The following CREB5 variants were observed in gnomAD, a reference collection of about 807,000 sequenced individuals.
The protein encoded by CREB5 is cAMP responsive element binding protein 5.
CREB5 carries 19 observed loss-of-function variants against 57.1 expected under a neutral mutation model. The ratio of observed to expected loss-of-function variants is 0.33; its 90% CI spans 0.23 to 0.49. The LOEUF (loss-of-function observed/expected upper bound fraction) is 0.49, where lower values mean the gene tolerates loss of function less well. Ranked by LOEUF, CREB5 falls within the 20% of genes least tolerant of loss-of-function variation. The pLI is 0.99. For synonymous variants in CREB5, 238 were observed against 238.3 expected (o/e 1.00, Z 0.01); for missense variants, 579 against 671.6 (o/e 0.86, Z 1.52).
chr7:28,537,718 A>G (rs1412333882), intron 4 of CREB5, among the ~76,000 whole-genome samples: 2 of 152,266 alleles, frequency 1.3e-5, no homozygotes, highest in African/African-American at 4.8e-5. Flanking sequence ...GTAAAAAATA[A>G]GAACAGGAGT....
chr7:28,359,187 CAAA>C (rs869271142), intron 1 of CREB5, among the ~76,000 whole-genome samples: 1 of 137,336 alleles, frequency 7.3e-6, no homozygotes, highest in East Asian at 2.2e-4. Flanking sequence ...AACAAACAAA[CAAA>C]AACCCAAAAA....
chr7:28,419,096 A>G (rs1236904757), intron 1 of CREB5, among the ~76,000 whole-genome samples: 1 of 152,220 alleles, frequency 6.6e-6, no homozygotes, highest in African/African-American at 2.4e-5. Flanking sequence ...GCATGGAGAC[A>G]TCTGTTGCAA....
chr7:28,541,523 T>A (rs1445951378), intron 4 of CREB5, among the ~76,000 whole-genome samples: 2 of 151,984 alleles, frequency 1.3e-5, no homozygotes, highest in Non-Finnish European at 2.9e-5. Context: ...AAAAATTAGC[T>A]GGGCGTGGTG....
intron 1 of CREB5, among the ~76,000 whole-genome samples, chr7:28,361,685 C>T (rs1786487440): frequency 6.6e-6 from 1 of 152,194 alleles, no homozygotes. Context: ...TTTTCAGCCT[C>T]CTGCGGACTC....
chr7:28,535,347 G>A (rs1444225695), intron 4 of CREB5, among the ~76,000 whole-genome samples: 1 of 137,762 alleles, frequency 7.3e-6, no homozygotes, highest in South Asian at 2.3e-4. Context: ...AAGAAGGAGG[G>A]AAGGATGGAA....
At chr7:28,736,914 G>A (rs561599650) in intron 7 of CREB5, among the ~76,000 whole-genome samples, 1 of 150,378 alleles carries the variant, frequency 6.6e-6, no homozygotes, top group South Asian at 2.1e-4. Context: ...CGTGCATGGA[G>A]CACATCATTT....
chr7:28,365,842 A>G (rs1786575782), intron 1 of CREB5, among the ~76,000 whole-genome samples: 1 of 152,134 alleles, frequency 6.6e-6, no homozygotes, highest in Non-Finnish European at 1.5e-5. Context: ...ATTTTTACTC[A>G]TATAGCACCT....
chr7:28,792,342 GAA>G (rs199972159), intron 7 of CREB5, among the ~76,000 whole-genome samples: 2 of 141,454 alleles, frequency 1.4e-5, no homozygotes, highest in East Asian at 4.1e-4. Context: ...ATATCACATG[GAA>G]AAAAAAAAAG....
rs1179364648 is a variant in CREB5, at chr7:28,823,574, G to C, written c.*4295G>C. On this transcript the variant is annotated 3_prime_UTR_variant, in exon 11 of 11. Coordinates refer to ENST00000357727, the MANE Select transcript of CREB5 (RefSeq NM_182898.4). ...TGAGTTATTTTTTAATCAACATTCT[G>C]AACAGTTTTTTTTAAACATTTATTT... 6.6e-6 allele frequency: 1 copy of C among 152,388 alleles called. No homozygotes were observed. Among genetic ancestry groups the C allele is most frequent in the Non-Finnish European group, 1.5e-5 (1 of 68,008 alleles). 9.4% of individuals were successfully genotyped at this position (152,388 alleles called of 1,614,324 possible).
intron 1 of CREB5, among the ~76,000 whole-genome samples, chr7:28,435,886 C>T (rs1225857788): frequency 6.6e-6 from 1 of 152,034 alleles, no homozygotes; most frequent in Non-Finnish European, 1.5e-5. Flanking sequence ...TTACAGAAAC[C>T]AGAAAGGGGT....
intron 1 of CREB5, among the ~76,000 whole-genome samples, chr7:28,361,937 T>C (rs1209056235): frequency 6.6e-6 from 1 of 152,220 alleles, no homozygotes; most frequent in African/African-American, 2.4e-5. Context: ...CTAAGTTCTT[T>C]ATTGAAGTAA....
chr7:28,324,132 C>A (rs1308544373), intron 1 of CREB5, among the ~76,000 whole-genome samples: 2 of 152,196 alleles, frequency 1.3e-5, no homozygotes, highest in Non-Finnish European at 2.9e-5. Context: ...GGTTGAGGAA[C>A]CCTGGTCGAA....
At chr7:28,712,604 G>T (rs982375970) in intron 5 of CREB5, among the ~76,000 whole-genome samples, 20 of 145,256 alleles carry the variant, frequency 1.4e-4, no homozygotes, top group Non-Finnish European at 2.6e-4. Context: ...AGTGATCTCG[G>T]CTCACTGCAG....
chr7:28,391,361 C>G (rs537220957), intron 1 of CREB5, among the ~76,000 whole-genome samples: 1 of 152,210 alleles, frequency 6.6e-6, no homozygotes, highest in Non-Finnish European at 1.5e-5. Flanking sequence ...TTTCCTCCAT[C>G]TTTTCTCACT....
intron 1 of CREB5, among the ~76,000 whole-genome samples, chr7:28,406,968 C>T (rs1054405109): frequency 6.6e-6 from 1 of 151,596 alleles, no homozygotes. Context: ...CAGCATTAGC[C>T]AAAATACCTT....
At chr7:28,691,977 T>A (rs1211208051) in intron 5 of CREB5, among the ~76,000 whole-genome samples, 2 of 134,012 alleles carry the variant, frequency 1.5e-5, no homozygotes, top group Non-Finnish European at 3.1e-5. Flanking sequence ...GAAACTAGCC[T>A]AGGCAACACG....
In CREB5 at chr7:28,476,378, G is replaced by A. The variant is rs184597210; in HGVS notation, c.4-11797G>A. Among the ~76,000 whole-genome samples the A allele has an allele frequency of 5.3e-3, 808 of 152,276 alleles. 3 individuals are homozygous for A. Among genetic ancestry groups the A allele is most frequent in the Middle Eastern group, 0.01 (3 of 294 alleles). ...CCATGTGCCATCTCTGCAACTCCAT[G>A]TCTGCGAGTTGATTGTACTATAAAA... is the stretch of plus-strand genomic sequence containing the variant. On this transcript the variant is annotated intron_variant, in intron 1 of 10. Coordinates refer to ENST00000357727, the MANE Select transcript of CREB5 (RefSeq NM_182898.4).
Position 28,337,956 on chromosome 7 carries a change from C to T in CREB5, c.-25+38515C>T, listed in dbSNP as rs111379554. 6.3e-3 allele frequency among the ~76,000 whole-genome samples: 962 copies of T among 152,118 alleles called. 5 individuals carry two copies. Among genetic ancestry groups the T allele is most frequent in the African/African-American group, 0.022 (907 of 41,526 alleles). On this transcript the variant is annotated intron_variant, in intron 1 of 9. Coordinates refer to the CREB5 transcript ENST00000396299. ...TAAACTGATGACAACTTAATAATGA[C>T]TGCATAAACAAACTAAAAAACAAGC...
chr7:28,611,708 A>G (rs1797394394), intron 5 of CREB5, among the ~76,000 whole-genome samples: 1 of 149,624 alleles, frequency 6.7e-6, no homozygotes, highest in Admixed American at 6.7e-5. Flanking sequence ...AAATAAATAA[A>G]TAAATAAAAT....
Sources: gnomAD v4.1 joint callset for allele counts (sites outside exome capture counted in the v4.1 genomes callset) on GRCh38, gnomAD v4.1.1 for gene constraint, MANE v1.5 for transcripts, NCBI Gene and HGNC (gene_info 2026-07-23, HGNC 2026-07-21) for gene names.